The following BMP2K variants were observed in gnomAD, a reference collection of about 807,000 sequenced individuals.
BMP2K encodes BMP-2-inducible protein kinase.
BMP2K carries 74 observed loss-of-function variants against 116.0 expected under a neutral mutation model. That is an observed-to-expected ratio of 0.64 (90% CI 0.53 to 0.77). The LOEUF (loss-of-function observed/expected upper bound fraction) is 0.77, where lower values mean the gene tolerates loss of function less well. BMP2K is among the 30% of genes least tolerant of loss of function. The probability of loss-of-function intolerance (pLI) is 0.00; values close to 1 mark genes in which losing one functional copy is unlikely to be tolerated. For missense variants in BMP2K, 1,365 were observed against 1,403.6 expected, an observed-to-expected ratio of 0.97 and a Z score of 0.44; for synonymous variants, 486 against 502.5, an observed-to-expected ratio of 0.97 and a Z score of 0.44.
chr4:78,810,310 G>A lies in BMP2K; in HGVS notation c.179-15727G>A, dbSNP rs181724137. On this transcript the variant is annotated intron_variant, in intron 1 of 15. Coordinates refer to ENST00000502613, the MANE Select transcript of BMP2K (RefSeq NM_198892.2). ...GGTCCTTCTCAGTTCTTTCCTGGGC[G>A]TGCACACTCTACCATACATGTGTGT... Among the ~76,000 whole-genome samples, 519 of 152,230 alleles carry A rather than the reference G, an allele frequency of 3.4e-3. 1 individual carries two copies. Among genetic ancestry groups the A allele is most frequent in the Non-Finnish European group, 4.5e-3 (306 of 68,018 alleles).
At chr4:78,870,709 A>T (rs1732286724) in intron 10 of BMP2K, 74 bp from the exon 11 acceptor site, 1 of 1,519,290 alleles carries the variant, frequency 6.6e-7, no homozygotes, top group Non-Finnish European at 8.8e-7. Flanking sequence ...TATTATTGAA[A>T]TGAGCATGTT....
intron 2 of BMP2K, among the ~76,000 whole-genome samples, chr4:78,829,755 CTTTT>C (rs1213530890): frequency 9.1e-4 from 99 of 108,874 alleles, no homozygotes; most frequent in African/African-American, 4.8e-3. Context: ...TGGAAACAAT[CTTTT>C]CTTTTCTTTT....
intron 2 of BMP2K, among the ~76,000 whole-genome samples, chr4:78,829,781 T>TC (rs1560518651): frequency 3.4e-3 from 367 of 107,560 alleles, no homozygotes; most frequent in African/African-American, 5.2e-3. Flanking sequence ...TTTTCTTTTC[T>TC]TTTCTTTTCT....
intron 3 of BMP2K, 138 bp downstream of exon 3, chr4:78,833,825 G>A: frequency 1.6e-6 from 1 of 613,386 alleles, no homozygotes. Flanking sequence ...ATCTAATTAG[G>A]AATATTGTTA....
At chr4:78,892,250 A>T (rs1733478923) in intron 15 of BMP2K, among the ~76,000 whole-genome samples, 1 of 152,180 alleles carries the variant, frequency 6.6e-6, no homozygotes, top group Non-Finnish European at 1.5e-5. Flanking sequence ...TTACATATTT[A>T]ATATCTTTAA....
At chr4:78,908,192 A>C (rs1734382765) in intron 15 of BMP2K, among the ~76,000 whole-genome samples, 1 of 152,174 alleles carries the variant, frequency 6.6e-6, no homozygotes, top group African/African-American at 2.4e-5. Context: ...ATTAAGTATA[A>C]CCTGGTGGTA....
At chr4:78,899,607 A>G (rs1373569426) in intron 15 of BMP2K, among the ~76,000 whole-genome samples, 1 of 152,168 alleles carries the variant, frequency 6.6e-6, no homozygotes, top group East Asian at 1.9e-4. Context: ...AGGGATAGAG[A>G]AAGAAGGACC....
chr4:78,828,658 A>T (rs1222827917), intron 2 of BMP2K, among the ~76,000 whole-genome samples: 1 of 152,242 alleles, frequency 6.6e-6, no homozygotes, highest in African/African-American at 2.4e-5. Flanking sequence ...GGGAGTTACG[A>T]ACCAGGAACT....
intron 1 of BMP2K, among the ~76,000 whole-genome samples, chr4:78,820,018 C>A (rs191431842): frequency 6.6e-6 from 1 of 152,232 alleles, no homozygotes; most frequent in African/African-American, 2.4e-5. Flanking sequence ...GATATTCTTA[C>A]TATTACTTAC....
chr4:78,825,797 T>G (rs1313362233), intron 1 of BMP2K, among the ~76,000 whole-genome samples: 1 of 152,218 alleles, frequency 6.6e-6, no homozygotes, highest in Non-Finnish European at 1.5e-5. Context: ...AAAGGTGAAA[T>G]TTTAGCCTTT....
intron 7 of BMP2K, 78 bp downstream of exon 7, chr4:78,851,134 A>G (rs1731233108): frequency 1.6e-5 from 21 of 1,298,386 alleles, no homozygotes; most frequent in Middle Eastern, 2.6e-4. Context: ...CTTTACTTAA[A>G]TCTAGTCTTA....
chr4:78,906,597 C>T (rs1734298273), intron 15 of BMP2K, among the ~76,000 whole-genome samples: 1 of 152,050 alleles, frequency 6.6e-6, no homozygotes, highest in African/African-American at 2.4e-5. Flanking sequence ...TGTGGATATA[C>T]ATTTGTTGGT....
intron 1 of BMP2K, among the ~76,000 whole-genome samples, chr4:78,795,208 A>G (rs916495659): frequency 6.6e-6 from 1 of 152,228 alleles, no homozygotes; most frequent in African/African-American, 2.4e-5. Context: ...CTCTCTCAAT[A>G]GACTACAAAC....
intron 1 of BMP2K, among the ~76,000 whole-genome samples, chr4:78,802,356 T>A (rs1457350170): frequency 6.6e-6 from 1 of 152,220 alleles, no homozygotes; most frequent in African/African-American, 2.4e-5. Flanking sequence ...TCCATGATTA[T>A]TTTGTCCAGA....
intron 3 of BMP2K, among the ~76,000 whole-genome samples, chr4:78,834,730 G>T (rs1343680957): frequency 1.3e-5 from 2 of 152,232 alleles, no homozygotes; most frequent in African/African-American, 4.8e-5. Flanking sequence ...TTTCCTGAAG[G>T]TTGCGGAAAA....
chr4:78,794,285 A>G (rs948310570), intron 1 of BMP2K, among the ~76,000 whole-genome samples: 6 of 152,156 alleles, frequency 3.9e-5, no homozygotes, highest in African/African-American at 1.4e-4. Flanking sequence ...ACCTGGAATG[A>G]ATGTTTCCAT....
intron 15 of BMP2K, among the ~76,000 whole-genome samples, chr4:78,901,644 C>G (rs1162724842): frequency 6.6e-6 from 1 of 152,170 alleles, no homozygotes; most frequent in African/African-American, 2.4e-5. Flanking sequence ...CATTCCCTTT[C>G]TTCTCCCCAG....
At chr4:78,791,042 T>C (rs571853870) in intron 1 of BMP2K, among the ~76,000 whole-genome samples, 2 of 152,326 alleles carry the variant, frequency 1.3e-5, no homozygotes, top group South Asian at 2.1e-4. Flanking sequence ...TTTTTACTTG[T>C]TCCTTAATAT....
At position 78,816,480 on chromosome 4, in the gene BMP2K, T is replaced by C. The variant is rs147590755; in HGVS notation, c.179-9557T>C. On this transcript the variant is annotated intron_variant, in intron 1 of 15. Transcript: ENST00000502613. ...TTGATACTTTTTCTCCCAATTTCAC[T>C]AACAGTGTCTTGTCATTTTTGGGAA... 3.0e-3 allele frequency among the ~76,000 whole-genome samples: 457 copies of C among 152,296 alleles called. 2 individuals carry two copies. Among genetic ancestry groups the C allele is most frequent in the Middle Eastern group, 3.4e-3 (1 of 294 alleles).
Sources: gnomAD v4.1 joint callset for allele counts (sites outside exome capture counted in the v4.1 genomes callset) on GRCh38, gnomAD v4.1.1 for gene constraint, MANE v1.5 for transcripts, NCBI Gene and HGNC (gene_info 2026-07-23, HGNC 2026-07-21) for gene names.